ZNF609: variants seen among roughly 807,000 people sequenced by gnomAD.
The protein encoded by ZNF609 is zinc finger protein 609.
A neutral mutation model predicts 109.5 loss-of-function variants in ZNF609; 11 were observed. The observed-to-expected ratio is 0.10, with a 90% confidence interval of 0.06 to 0.17. ZNF609 has a LOEUF of 0.17. Ranked by LOEUF, ZNF609 falls within the 10% of genes least tolerant of loss-of-function variation. The pLI is 1.00. For missense variants in ZNF609, 1,559 were observed against 1,772.4 expected, an observed-to-expected ratio of 0.88 and a Z score of 2.16; for synonymous variants, 646 against 662.0, an observed-to-expected ratio of 0.98 and a Z score of 0.37.
chr15:64,618,624 G>A (rs981017976), intron 2 of ZNF609, among the ~76,000 whole-genome samples: 1 of 152,140 alleles, frequency 6.6e-6, no homozygotes, highest in African/African-American at 2.4e-5. Flanking sequence ...AGCCAGAAGG[G>A]AGATGGTTTT....
chr15:64,590,059 G>GA (rs1440861997), intron 2 of ZNF609, among the ~76,000 whole-genome samples: 2 of 152,046 alleles, frequency 1.3e-5, no homozygotes, highest in Admixed American at 1.3e-4. Flanking sequence ...GAGAAGGTAA[G>GA]AAAAAAACAC....
intron 2 of ZNF609, among the ~76,000 whole-genome samples, chr15:64,614,543 T>G (rs779885203): frequency 6.6e-6 from 1 of 152,068 alleles, no homozygotes; most frequent in Non-Finnish European, 1.5e-5. Context: ...TTTTCTGTAT[T>G]TCAAGAGACA....
intron 2 of ZNF609, among the ~76,000 whole-genome samples, chr15:64,604,891 G>A (rs754948587): frequency 9.2e-5 from 14 of 151,894 alleles, no homozygotes; most frequent in Non-Finnish European, 1.5e-5. Context: ...GAGTGCAGTG[G>A]CATGATCTTG....
At chr15:64,679,283 G>A (rs1359632124) in intron 6 of ZNF609, among the ~76,000 whole-genome samples, 1 of 152,162 alleles carries the variant, frequency 6.6e-6, no homozygotes, top group Non-Finnish European at 1.5e-5. Flanking sequence ...TGTTGGTCAG[G>A]CTGGTCTTGA....
upstream of ZNF609, among the ~76,000 whole-genome samples, chr15:64,459,703 T>G (rs1892910922): frequency 6.6e-6 from 1 of 152,108 alleles, no homozygotes; most frequent in Non-Finnish European, 1.5e-5. Context: ...GTGGGAGGCC[T>G]TGAGAATTAA....
chr15:64,490,145 T>C (rs1324940381), intron 1 of ZNF609, among the ~76,000 whole-genome samples: 2 of 151,934 alleles, frequency 1.3e-5, no homozygotes, highest in Non-Finnish European at 2.9e-5. Context: ...TTTATTTTTG[T>C]AGAGACAGGG....
At chr15:64,508,972 G>C (rs1893679114) in intron 2 of ZNF609, among the ~76,000 whole-genome samples, 1 of 152,132 alleles carries the variant, frequency 6.6e-6, no homozygotes, top group Admixed American at 6.5e-5. Flanking sequence ...GGGATTACAG[G>C]TGTAAGCCAC....
intron 2 of ZNF609, among the ~76,000 whole-genome samples, chr15:64,518,452 T>A (rs926973825): frequency 6.6e-6 from 1 of 152,198 alleles, no homozygotes; most frequent in Non-Finnish European, 1.5e-5. Flanking sequence ...TGGAGTGCTA[T>A]GGGGTCAGAT....
chr15:64,502,954 G>A (rs1410331507), intron 2 of ZNF609: 1 of 152,170 alleles, frequency 6.6e-6, no homozygotes, highest in Non-Finnish European at 1.5e-5. Context: ...AGCTACTGGG[G>A]AGGCTGAGGT....
chr15:64,601,412 A>G (rs1277440554), intron 2 of ZNF609, among the ~76,000 whole-genome samples: 1 of 152,228 alleles, frequency 6.6e-6, no homozygotes, highest in Non-Finnish European at 1.5e-5. Flanking sequence ...TCACTTGAGG[A>G]AGGTAATAGA....
At chr15:64,492,260 A>G (rs1321929215) in intron 1 of ZNF609, among the ~76,000 whole-genome samples, 3 of 152,266 alleles carry the variant, frequency 2.0e-5, no homozygotes, top group East Asian at 1.9e-4. Context: ...AGAAGAAGAA[A>G]AAAAGCCACA....
intron 2 of ZNF609, among the ~76,000 whole-genome samples, chr15:64,614,979 C>T (rs1190059491): frequency 4.0e-5 from 6 of 151,736 alleles, no homozygotes; most frequent in East Asian, 1.9e-4. Context: ...CCACCACACC[C>T]GGCTAATTTT....
chr15:64,506,723 G>GAAA (rs5813307), intron 2 of ZNF609, among the ~76,000 whole-genome samples: 2 of 146,286 alleles, frequency 1.4e-5, no homozygotes, highest in African/African-American at 2.5e-5. Context: ...TCTGTCTCAA[G>GAAA]AAAAAAAAAA....
At chr15:64,660,172 T>C (rs1469312296) in intron 3 of ZNF609, among the ~76,000 whole-genome samples, 1 of 152,200 alleles carries the variant, frequency 6.6e-6, no homozygotes, top group Non-Finnish European at 1.5e-5. Flanking sequence ...AATAATTATT[T>C]TGGGCCTTAG....
At chr15:64,566,372 C>T (rs1894777731) in intron 2 of ZNF609, among the ~76,000 whole-genome samples, 1 of 152,122 alleles carries the variant, frequency 6.6e-6, no homozygotes, top group Admixed American at 6.5e-5. Context: ...CCTGAGAAGC[C>T]ATGGAGAAAG....
intron 2 of ZNF609, among the ~76,000 whole-genome samples, chr15:64,577,064 GTATATATACACAAATATATACATATA>G (rs1894984120): frequency 7.9e-5 from 4 of 50,422 alleles, no homozygotes; most frequent in South Asian, 4.0e-4. Context: ...ATACATATAT[GTATATATACACAAATATATACATATA>G]TGTATATATA....
At chr15:64,671,828 C>G (rs1040013807) in intron 4 of ZNF609, among the ~76,000 whole-genome samples, 3 of 152,020 alleles carry the variant, frequency 2.0e-5, no homozygotes, top group Non-Finnish European at 2.9e-5. Context: ...TATCTTAAAC[C>G]TTCATCTGCC....
chr15:64,510,810 T>C (rs777179166), intron 2 of ZNF609, among the ~76,000 whole-genome samples: 14 of 152,192 alleles, frequency 9.2e-5, no homozygotes, highest in Non-Finnish European at 2.1e-4. Flanking sequence ...CTCTAATTGC[T>C]TTTTAAATTT....
At chr15:64,484,180 A>G (rs1209768651) in intron 1 of ZNF609, among the ~76,000 whole-genome samples, 3 of 152,096 alleles carry the variant, frequency 2.0e-5, no homozygotes, top group Non-Finnish European at 4.4e-5. Context: ...TAAGTGAAAT[A>G]TTGAGATTTT....
Sources: allele counts gnomAD v4.1 joint callset (sites outside exome capture counted in the v4.1 genomes callset), GRCh38; gene constraint gnomAD v4.1.1; transcripts MANE v1.5; gene names NCBI Gene and HGNC (gene_info 2026-07-23, HGNC 2026-07-21).